CDK5RAP2: variants seen among roughly 807,000 people sequenced by gnomAD.
The protein encoded by CDK5RAP2 is CDK5 regulatory subunit associated protein 2.
In CDK5RAP2, 147 loss-of-function variants were observed where a neutral mutation model predicts 232.9. That is an observed-to-expected ratio of 0.63 (90% CI 0.55 to 0.72). The LOEUF is 0.72. Ranked by LOEUF, CDK5RAP2 falls within the 30% of genes least tolerant of loss-of-function variation. The pLI, the probability that CDK5RAP2 is intolerant of heterozygous loss-of-function variation, is 0.00. For synonymous variants in CDK5RAP2, 833 were observed against 833.7 expected, an observed-to-expected ratio of 1.00 and a Z score of 0.01; for missense variants, 2,195 against 2,231.5, an observed-to-expected ratio of 0.98 and a Z score of 0.33.
intron 12 of CDK5RAP2, among the ~76,000 whole-genome samples, chr9:120,499,356 G>T (rs1331685687): frequency 1.3e-5 from 2 of 151,874 alleles, no homozygotes; most frequent in Non-Finnish European, 2.9e-5. Flanking sequence ...CTCTCCTTTT[G>T]TGGGTATTTG....
intron 12 of CDK5RAP2, among the ~76,000 whole-genome samples, chr9:120,511,368 T>C (rs1011664975): frequency 2.6e-5 from 4 of 152,216 alleles, no homozygotes; most frequent in African/African-American, 9.7e-5. Context: ...ACTGATTTTG[T>C]AGTTCTTGTC....
chr9:120,437,402 T>A lies in CDK5RAP2; in HGVS notation c.3848A>T (p.Glu1283Val), dbSNP rs976257047. Reference protein sequence around the residue: ...HMNTMIKAFEELLQASDVDYC... With the variant: ...HMNTMIKAFEVLLQASDVDYC... ...ATCCACATCACTGGCCTGCAGCAAC[T>A]CCTCAAATGCCTTAATCATGGTGTT... The change falls in exon 25 of 38, where the codon GAG (glutamate) becomes GTG (valine). Residue 1283 changes from glutamate to valine, a missense_variant. Coordinates refer to ENST00000349780, the MANE Select transcript of CDK5RAP2 (RefSeq NM_018249.6). 8.7e-6 allele frequency: 14 copies of A among 1,613,974 alleles called. No individual in the cohort carries two copies. The African/African-American group carries it at 1.3e-4, about 15-fold the overall frequency.
chr9:120,438,534 C>A (rs1480610213), intron 24 of CDK5RAP2, among the ~76,000 whole-genome samples: 1 of 152,122 alleles, frequency 6.6e-6, no homozygotes, highest in Non-Finnish European at 1.5e-5. Context: ...TGGGCTTGAA[C>A]CCTGGCAATG....
At chr9:120,453,040 T>C (rs1175436402) in intron 21 of CDK5RAP2, among the ~76,000 whole-genome samples, 1 of 152,224 alleles carries the variant, frequency 6.6e-6, no homozygotes, top group East Asian at 1.9e-4. Flanking sequence ...TGTTCATCAA[T>C]ACAATGAAAA....
intron 3 of CDK5RAP2, among the ~76,000 whole-genome samples, chr9:120,558,172 A>AGGTT (rs2042311061): frequency 6.7e-6 from 1 of 148,578 alleles, no homozygotes; most frequent in South Asian, 2.1e-4. Flanking sequence ...CAAGAGATCG[A>AGGTT]GACCATCCTG....
At chr9:120,471,235 G>A (rs1385688833) in intron 16 of CDK5RAP2, among the ~76,000 whole-genome samples, 2 of 152,170 alleles carry the variant, frequency 1.3e-5, no homozygotes, top group Non-Finnish European at 2.9e-5. Context: ...AGGGGAGAGG[G>A]TCAAATCTTA....
chr9:120,453,403 A>G, intron 21 of CDK5RAP2, 53 bp downstream of exon 21: 1 of 1,519,470 alleles, frequency 6.6e-7, no homozygotes, highest in Non-Finnish European at 9.0e-7. Context: ...GTGATTTTTA[A>G]AGTTTTTTGT....
intron 7 of CDK5RAP2, among the ~76,000 whole-genome samples, chr9:120,533,410 T>A (rs2041241267): frequency 6.6e-6 from 1 of 152,138 alleles, no homozygotes; most frequent in Admixed American, 6.6e-5. Flanking sequence ...GAAGGTATCA[T>A]CTTCCCTCTC....
At chr9:120,525,320 A>G (rs536348577) in intron 10 of CDK5RAP2, among the ~76,000 whole-genome samples, 1 of 152,356 alleles carries the variant, frequency 6.6e-6, no homozygotes, top group African/African-American at 2.4e-5. Context: ...TCACCCAGCT[A>G]TTGTGTTGTT....
At chr9:120,399,090 G>C (rs1588228112) in intron 35 of CDK5RAP2, among the ~76,000 whole-genome samples, 1 of 152,282 alleles carries the variant, frequency 6.6e-6, no homozygotes, top group South Asian at 2.1e-4. Context: ...ACATCAGAGT[G>C]AGCATAATCA....
Position 120,396,029 on chromosome 9 carries a change from C to T in CDK5RAP2, c.5452-1391G>A, listed in dbSNP as rs185887070. ...AAGAAAGAAGATGTGAAACTCCAAT[C>T]AGCAGACCCATATTCAAAAGAAAAG... On this transcript the variant is annotated intron_variant, in intron 35 of 37. Coordinates refer to ENST00000349780, the MANE Select transcript of CDK5RAP2 (RefSeq NM_018249.6). 3.9e-5 allele frequency among the ~76,000 whole-genome samples: 6 copies of T among 152,362 alleles called. No homozygotes were observed. The East Asian group carries it at 1.2e-3, about 29-fold the overall frequency.
At chr9:120,400,659 T>C in intron 35 of CDK5RAP2, 83 bp downstream of exon 35, 1 of 1,555,980 alleles carries the variant, frequency 6.4e-7, no homozygotes, top group Non-Finnish European at 8.8e-7. Flanking sequence ...ACATCTGCTG[T>C]GGGCCCCTGC....
intron 25 of CDK5RAP2, among the ~76,000 whole-genome samples, chr9:120,426,805 C>A (rs2034932851): frequency 6.6e-6 from 1 of 152,184 alleles, no homozygotes; most frequent in Non-Finnish European, 1.5e-5. Flanking sequence ...TGCAATCTGT[C>A]ATGTGATGCT....
At chr9:120,477,157 TC>T (rs1166781079) in intron 15 of CDK5RAP2, among the ~76,000 whole-genome samples, 192 bp downstream of exon 15, 1 of 152,232 alleles carries the variant, frequency 6.6e-6, no homozygotes, top group African/African-American at 2.4e-5. Context: ...ATCAGACAAT[TC>T]TTGATAGAAA....
At chr9:120,514,140 G>A (rs1318798670) in intron 12 of CDK5RAP2, among the ~76,000 whole-genome samples, 2 of 152,112 alleles carry the variant, frequency 1.3e-5, no homozygotes, top group Admixed American at 6.6e-5. Flanking sequence ...AGGAAACCAC[G>A]GCCAAATCAT....
intron 11 of CDK5RAP2, among the ~76,000 whole-genome samples, chr9:120,520,211 G>A (rs1023383338): frequency 4.6e-5 from 7 of 152,132 alleles, no homozygotes; most frequent in Admixed American, 3.9e-4. Flanking sequence ...TCAGTGTATA[G>A]CTCAACAAAT....
chr9:120,448,199 T>G (rs1218543827), intron 21 of CDK5RAP2, 73 bp from the exon 22 acceptor site: 1 of 1,267,806 alleles, frequency 7.9e-7, no homozygotes, highest in African/African-American at 1.5e-5. Flanking sequence ...AACATTCTCA[T>G]GCCAGCCTTA....
chr9:120,490,352 G>A (rs955815527), intron 13 of CDK5RAP2, among the ~76,000 whole-genome samples: 2 of 152,190 alleles, frequency 1.3e-5, no homozygotes, highest in Non-Finnish European at 2.9e-5. Context: ...CTCCCTCCCT[G>A]TTTTCACTTA....
At chr9:120,540,078 AAC>A (rs1197924236) in intron 5 of CDK5RAP2, among the ~76,000 whole-genome samples, 3 of 152,204 alleles carry the variant, frequency 2.0e-5, no homozygotes, top group African/African-American at 7.2e-5. Flanking sequence ...TCTAACATAA[AAC>A]ACAGAGTACA....
Sources: allele counts gnomAD v4.1 joint callset (sites outside exome capture counted in the v4.1 genomes callset), GRCh38; gene constraint gnomAD v4.1.1; transcripts MANE v1.5; gene names NCBI Gene and HGNC (gene_info 2026-07-23, HGNC 2026-07-21).